The following MAP2K1 variants were observed in gnomAD, a reference collection of about 807,000 sequenced individuals.
MAP2K1 encodes the protein dual specificity mitogen-activated protein kinase kinase 1.
A neutral mutation model predicts 46.3 loss-of-function variants in MAP2K1; 16 were observed. That is an observed-to-expected ratio of 0.35 (90% CI 0.23 to 0.52). MAP2K1 has a LOEUF of 0.52. MAP2K1 is among the 20% of genes least tolerant of loss of function. The pLI is 0.94. For missense variants in MAP2K1, 263 were observed against 497.1 expected (o/e 0.53, Z 4.48); for synonymous variants, 183 against 185.6 (o/e 0.99, Z 0.11).
intron 5 of MAP2K1, among the ~76,000 whole-genome samples, chr15:66,449,293 ATAAAACT>A (rs944403019): frequency 1.8e-4 from 28 of 152,250 alleles, no homozygotes; most frequent in Non-Finnish European, 4.0e-4. Flanking sequence ...CAACTCAGGA[ATAAAACT>A]ATTGATACAT....
intron 5 of MAP2K1, among the ~76,000 whole-genome samples, chr15:66,477,548 A>G (rs1892781953): frequency 6.6e-6 from 1 of 152,212 alleles, no homozygotes; most frequent in Non-Finnish European, 1.5e-5. Context: ...GACTGTTTCA[A>G]TCATGGCAAA....
intron 5 of MAP2K1, among the ~76,000 whole-genome samples, chr15:66,473,465 C>T (rs910974995): frequency 1.3e-5 from 2 of 151,950 alleles, no homozygotes; most frequent in Admixed American, 6.6e-5. Flanking sequence ...GGGAGGATCG[C>T]TTGAGCCTAG....
chr15:66,489,814 TTC>T (rs763233596), intron 10 of MAP2K1, 51 bp downstream of exon 10: 1 of 1,464,812 alleles, frequency 6.8e-7, no homozygotes, highest in Non-Finnish European at 9.6e-7. Context: ...TCATTTGTTC[TTC>T]TCTGTCAGTC....
chr15:66,391,960 A>G (rs1437815105), intron 1 of MAP2K1, among the ~76,000 whole-genome samples: 2 of 152,214 alleles, frequency 1.3e-5, no homozygotes, highest in Non-Finnish European at 2.9e-5. Context: ...TTGAGGTAAC[A>G]ACCACAAAAT....
At chr15:66,435,358 T>TTC (rs2093485194) in intron 2 of MAP2K1, 121 bp downstream of exon 2, 2 of 837,880 alleles carry the variant, frequency 2.4e-6, no homozygotes. Context: ...TGAATTTTTT[T>TTC]TTTTTTTTAA....
chr15:66,487,930 A>C lies in MAP2K1; in HGVS notation c.960+638A>C, dbSNP rs565382321. ...CTGCTTTCTTCCAAATTTTCACATT[A>C]ATTTCCCATGCAATTCTCCCAAGCA... On this transcript the variant is annotated intron_variant, in intron 8 of 10. Coordinates refer to ENST00000307102, the MANE Select transcript of MAP2K1 (RefSeq NM_002755.4). 2.6e-5 allele frequency among the ~76,000 whole-genome samples: 4 copies of C among 152,122 alleles called. No individual in the cohort carries two copies. The South Asian group carries it at 8.3e-4, about 32-fold the overall frequency.
At chr15:66,459,631 A>AT (rs1892266208) in intron 5 of MAP2K1, among the ~76,000 whole-genome samples, 1 of 149,894 alleles carries the variant, frequency 6.7e-6, no homozygotes, top group African/African-American at 2.5e-5. Context: ...AAAAAAAAAA[A>AT]ATTTTTTTTG....
At chr15:66,389,333 A>G (rs1181630372) in intron 1 of MAP2K1, among the ~76,000 whole-genome samples, 1 of 152,070 alleles carries the variant, frequency 6.6e-6, no homozygotes, top group East Asian at 1.9e-4. Flanking sequence ...ATCCTTTCCT[A>G]TTTGATTTGG....
intron 5 of MAP2K1, among the ~76,000 whole-genome samples, chr15:66,454,838 G>A (rs1367577937): frequency 5.9e-5 from 9 of 151,822 alleles, no homozygotes; most frequent in African/African-American, 9.7e-5. Context: ...AGCCGAGATC[G>A]TGCCACTGCA....
chr15:66,394,394 T>G (rs987920921), intron 1 of MAP2K1, among the ~76,000 whole-genome samples: 2 of 151,856 alleles, frequency 1.3e-5, no homozygotes, highest in Non-Finnish European at 2.9e-5. Context: ...TTGAGACAGG[T>G]TGATGTGCTT....
intron 5 of MAP2K1, among the ~76,000 whole-genome samples, chr15:66,462,155 T>G (rs552580789): frequency 6.6e-6 from 1 of 152,198 alleles, no homozygotes; most frequent in Admixed American, 6.5e-5. Flanking sequence ...GGATTTGCCT[T>G]AAGACATTCC....
At chr15:66,444,854 G>C in intron 5 of MAP2K1, 147 bp downstream of exon 5, 2 of 728,498 alleles carry the variant, frequency 2.7e-6, no homozygotes, top group South Asian at 1.6e-5. Flanking sequence ...GTTTAGTTTG[G>C]TGGCTGAGGC....
At chr15:66,391,078 TG>T (rs1388237719) in intron 1 of MAP2K1, among the ~76,000 whole-genome samples, 2 of 144,086 alleles carry the variant, frequency 1.4e-5, no homozygotes, top group Non-Finnish European at 1.5e-5. Flanking sequence ...TTTTTTGGTA[TG>T]GGGGTCTTGG....
At chr15:66,466,865 C>T (rs1285890531) in intron 5 of MAP2K1, among the ~76,000 whole-genome samples, 1 of 152,156 alleles carries the variant, frequency 6.6e-6, no homozygotes, top group Non-Finnish European at 1.5e-5. Flanking sequence ...CATTTCAGCT[C>T]TCCATGAGTC....
chr15:66,443,082 A>ATTT (rs398027713), intron 3 of MAP2K1, among the ~76,000 whole-genome samples, 198 bp from the exon 4 acceptor site: 5,129 of 90,962 alleles, frequency 0.056, 608 homozygotes, highest in African/African-American at 0.11. Flanking sequence ...TTGTGTGTGT[A>ATTT]TTTTTTTTTT....
chr15:66,467,186 A>C (rs1892489223), intron 5 of MAP2K1, among the ~76,000 whole-genome samples: 1 of 152,104 alleles, frequency 6.6e-6, no homozygotes, highest in Admixed American at 6.5e-5. Flanking sequence ...GTGAGCCAAG[A>C]TTGTGTCATT....
chr15:66,415,991 A>G (rs1567001050), intron 1 of MAP2K1, among the ~76,000 whole-genome samples: 1 of 152,086 alleles, frequency 6.6e-6, no homozygotes, highest in Non-Finnish European at 1.5e-5. Flanking sequence ...AAGTCACCCT[A>G]GCTCCCCACT....
chr15:66,419,180 A>G (rs1416956099), intron 1 of MAP2K1, among the ~76,000 whole-genome samples: 2 of 150,346 alleles, frequency 1.3e-5, no homozygotes, highest in Non-Finnish European at 3.0e-5. Flanking sequence ...TCTCCCTCCA[A>G]ACTCCATCAC....
rs963583107 is a variant in MAP2K1 at position 66,478,904 on chromosome 15, T to G, written c.569-2851T>G. ...TGGGGGACTTGGTCAGTTTCTTGAC[T>G]GCCCACACAGAGCCCACAGGTAAGG... is the stretch of plus-strand genomic sequence containing the variant. On this transcript the variant is annotated intron_variant, in intron 5 of 10. Coordinates refer to ENST00000307102, the MANE Select transcript of MAP2K1 (RefSeq NM_002755.4). Among the ~76,000 whole-genome samples the G allele has an allele frequency of 2.6e-5, 4 of 152,174 alleles. No individual in the cohort carries two copies. The East Asian group carries it at 7.7e-4, about 29-fold the overall frequency.
Sources: gnomAD v4.1 joint callset for allele counts (sites outside exome capture counted in the v4.1 genomes callset) on GRCh38, gnomAD v4.1.1 for gene constraint, MANE v1.5 for transcripts, NCBI Gene and HGNC (gene_info 2026-07-23, HGNC 2026-07-21) for gene names.